Variants in MARCHF6 observed in about 807,000 individuals in gnomAD.
The protein encoded by MARCHF6 is membrane associated ring-CH-type finger 6.
In MARCHF6, 31 loss-of-function variants were observed where a neutral mutation model predicts 133.7. The observed-to-expected ratio is 0.23, with a 90% CI of 0.17 to 0.31. MARCHF6 has a LOEUF of 0.31. Among genes scored for constraint, MARCHF6 ranks in the 10% least tolerant of loss-of-function variants. The probability of loss-of-function intolerance (pLI) is 1.00; values close to 1 mark genes in which losing one functional copy is unlikely to be tolerated. For missense variants in MARCHF6, 723 were observed against 1,121.6 expected (o/e 0.64, Z 5.08); for synonymous variants, 395 against 402.5 (o/e 0.98, Z 0.22).
chr5:10,435,674 TATATATATATATATATATATATA>T lies in MARCHF6; in HGVS notation c.*1991_*2013del, dbSNP rs1191759244. 12 of 14,940 alleles carry T rather than the reference TATATATATATATATATATATATA, an allele frequency of 8.0e-4. No individual in the cohort carries two copies. The highest frequency in any genetic ancestry group is 2.0e-3 in the South Asian group (1 of 494). The allele number at this position is 14,940 out of a possible 1,614,324, so 0.9% of individuals were successfully genotyped here. ...ATATATATATATATATATATATATATATATATATATATATATATATATATTTTTTTTTTTTTTTTTTTTTTTTT... is the reference window on the plus strand; with the variant it reads ...ATATATATATATATATATATATATATTTTTTTTTTTTTTTTTTTTTTTTTT... On this transcript the variant is annotated 3_prime_UTR_variant, in exon 26 of 26. Coordinates refer to ENST00000274140, the MANE Select transcript of MARCHF6 (RefSeq NM_005885.4).
chr5:10,417,179 C>G (rs1739559258), intron 21 of MARCHF6, 91 bp from the exon 22 acceptor site: 2 of 1,437,082 alleles, frequency 1.4e-6, no homozygotes, highest in Admixed American at 4.5e-5. Context: ...TGTGGTTGCT[C>G]TGTTAGGCAT....
intron 23 of MARCHF6, among the ~76,000 whole-genome samples, chr5:10,425,042 A>G (rs1740011115): frequency 6.6e-6 from 1 of 150,400 alleles, no homozygotes; most frequent in Non-Finnish European, 1.5e-5. Flanking sequence ...TCCTTAGGCC[A>G]GTGCCACATA....
chr5:10,429,145 CGGTATTAATTTTCT>C (rs1740240447), intron 24 of MARCHF6, among the ~76,000 whole-genome samples: 1 of 152,136 alleles, frequency 6.6e-6, no homozygotes, highest in Non-Finnish European at 1.5e-5. Flanking sequence ...ATCCACCTGA[CGGTATTAATTTTCT>C]GAATTCCTCG....
intron 1 of MARCHF6, chr5:10,354,741 T>C (rs1031056522): frequency 2.6e-5 from 4 of 152,222 alleles, no homozygotes; most frequent in African/African-American, 9.6e-5. Context: ...TTACTAAATT[T>C]TGCTTTTTTT....
At chr5:10,429,047 T>G (rs1350073856) in intron 24 of MARCHF6, among the ~76,000 whole-genome samples, 1 of 152,120 alleles carries the variant, frequency 6.6e-6, no homozygotes, top group Non-Finnish European at 1.5e-5. Context: ...TACCCCAAAG[T>G]CTGGTTTTTA....
intron 6 of MARCHF6, among the ~76,000 whole-genome samples, chr5:10,390,737 A>G (rs1407559287): frequency 1.3e-5 from 2 of 152,192 alleles, no homozygotes; most frequent in Admixed American, 6.5e-5. Context: ...TGGGGGGTAT[A>G]CTGAAGTCCA....
rs1279985987 is a variant in MARCHF6 at position 10,394,066 on chromosome 5, G to A, written c.767-16G>A. 7 of 1,432,662 alleles carry A rather than the reference G, an allele frequency of 4.9e-6. No homozygotes were observed. Among genetic ancestry groups the A allele is most frequent in the South Asian group, 4.6e-5 (3 of 64,678 alleles). The allele number at this position is 1,432,662 out of a possible 1,614,324, so 88.7% of individuals were successfully genotyped here. A position where few individuals can be genotyped will look rare whatever the true frequency, so the allele number is the denominator to read the frequency against. On this transcript the variant is annotated splice_polypyrimidine_tract_variant and intron_variant, in intron 7 of 25. Coordinates refer to ENST00000274140, the MANE Select transcript of MARCHF6 (RefSeq NM_005885.4). Reference sequence around the variant, plus strand: ...TTTTACTTCAAGTAATCTTTAAATTGCAATTATATTTTCAGATGACATGAA... The same window carrying A: ...TTTTACTTCAAGTAATCTTTAAATTACAATTATATTTTCAGATGACATGAA...
intron 18 of MARCHF6, among the ~76,000 whole-genome samples, chr5:10,410,752 G>A (rs996896881): frequency 1.7e-4 from 26 of 152,038 alleles, no homozygotes; most frequent in African/African-American, 6.3e-4. Flanking sequence ...TTGGCATCTT[G>A]TAGGTATCTT....
chr5:10,429,715 A>G (rs1014092049), intron 24 of MARCHF6, among the ~76,000 whole-genome samples, 178 bp from the exon 25 acceptor site: 1 of 152,124 alleles, frequency 6.6e-6, no homozygotes, highest in Non-Finnish European at 1.5e-5. Flanking sequence ...TGTTTTACAA[A>G]TGAGAAAGTT....
At chr5:10,418,665 C>T (rs1193731149) in intron 22 of MARCHF6, among the ~76,000 whole-genome samples, 1 of 152,108 alleles carries the variant, frequency 6.6e-6, no homozygotes, top group East Asian at 1.9e-4. Context: ...TTCCCTTTTT[C>T]TGCTTTCCAG....
chr5:10,386,040 T>TA (rs1012760676), intron 4 of MARCHF6, among the ~76,000 whole-genome samples: 10 of 152,078 alleles, frequency 6.6e-5, no homozygotes, highest in African/African-American at 2.4e-4. Flanking sequence ...TTTTTTTTTT[T>TA]AGCGATACAC....
chr5:10,386,735 A>T (rs747249952), intron 4 of MARCHF6, among the ~76,000 whole-genome samples: 3 of 152,236 alleles, frequency 2.0e-5, no homozygotes, highest in Non-Finnish European at 4.4e-5. Flanking sequence ...ATCTAAGCTC[A>T]TTCAATAAAA....
intron 4 of MARCHF6, among the ~76,000 whole-genome samples, chr5:10,382,832 A>G (rs930203812): frequency 6.6e-6 from 1 of 152,156 alleles, no homozygotes; most frequent in Non-Finnish European, 1.5e-5. Context: ...GCCTCAATAA[A>G]ATACAAATAA....
intron 1 of MARCHF6, among the ~76,000 whole-genome samples, chr5:10,366,403 T>C (rs554078301): frequency 8.7e-4 from 133 of 152,344 alleles, no homozygotes; most frequent in Middle Eastern, 3.4e-3. Context: ...ATTTTATTGA[T>C]AATTACATAT....
intron 1 of MARCHF6, among the ~76,000 whole-genome samples, chr5:10,369,475 C>T (rs973012257): frequency 6.6e-6 from 1 of 151,972 alleles, no homozygotes; most frequent in Non-Finnish European, 1.5e-5. Flanking sequence ...CTGTAGAAGG[C>T]CTGTCGATTT....
At position 10,427,383 on chromosome 5, in the gene MARCHF6, C is replaced by T. The variant is rs370363353; in HGVS notation, c.2506+861C>T. Among the ~76,000 whole-genome samples, 157 of 152,232 alleles carry T rather than the reference C, an allele frequency of 1.0e-3. 1 individual carries two copies. Among genetic ancestry groups the T allele is most frequent in the African/African-American group, 3.7e-3 (155 of 41,544 alleles). ...TTGGTGAACATTTTTTTCATTGGTT[C>T]CTCTGTGGCCTTTAATGCAGTCCAA... On this transcript the variant is annotated intron_variant, in intron 24 of 25. Transcript: ENST00000274140.
In MARCHF6 at chr5:10,426,453, G is replaced by A. The variant is rs1300529689; in HGVS notation, c.2437G>A (p.Val813Met). 3 of 1,614,098 alleles carry A rather than the reference G, an allele frequency of 1.9e-6. No homozygotes were observed. Among genetic ancestry groups the A allele is most frequent in the Non-Finnish European group, 2.5e-6 (3 of 1,179,986 alleles). ...HYIVRKLAAP[V>M]ISVLLLSLCV... ...TATTGTTCGTAAACTGGCAGCTCCCGTGATCTCTGTGCTGTTGCTTTCCCT... is the reference window on the plus strand; with the variant it reads ...TATTGTTCGTAAACTGGCAGCTCCCATGATCTCTGTGCTGTTGCTTTCCCT... The change falls in exon 24 of 26, where the codon GTG becomes ATG. Residue 813 changes from valine to methionine, a missense_variant. Around this residue, in one of 4 missense-constraint regions of MARCHF6, gnomAD observed 492 missense variants for 699.5 expected, o/e 0.70. Coordinates refer to ENST00000274140, the MANE Select transcript of MARCHF6 (RefSeq NM_005885.4).
intron 1 of MARCHF6, among the ~76,000 whole-genome samples, chr5:10,371,868 G>T (rs1736488927): frequency 6.6e-6 from 1 of 152,024 alleles, no homozygotes; most frequent in African/African-American, 2.4e-5. Context: ...GCTGCTGGCT[G>T]GCATCTATAA....
chr5:10,419,205 C>T (rs1579612276), intron 22 of MARCHF6, among the ~76,000 whole-genome samples: 1 of 152,144 alleles, frequency 6.6e-6, no homozygotes. Flanking sequence ...AGAAACTGTA[C>T]TTTGAGTACT....
Sources: allele counts gnomAD v4.1 joint callset (sites outside exome capture counted in the v4.1 genomes callset), GRCh38; gene constraint gnomAD v4.1.1; regional missense constraint gnomAD v4.1.1; transcripts MANE v1.5; gene names NCBI Gene and HGNC (gene_info 2026-07-23, HGNC 2026-07-21).